Variants in LRRC37A2 observed in about 807,000 individuals in gnomAD.
LRRC37A2 encodes leucine-rich repeat-containing protein 37A2.
Under a neutral mutation model 68.8 loss-of-function variants are expected in LRRC37A2, and 9 were observed. That is an observed-to-expected ratio of 0.13 (90% CI 0.08 to 0.23). The LOEUF (loss-of-function observed/expected upper bound fraction) is 0.23. LRRC37A2 is among the 10% of genes least tolerant of loss of function. LRRC37A2 has a pLI of 1.00. For synonymous variants in LRRC37A2, 63 were observed against 367.6 expected, an observed-to-expected ratio of 0.17 and a Z score of 9.48; for missense variants, 168 against 950.4, an observed-to-expected ratio of 0.18 and a Z score of 10.82.
the LRRC37A2 span, among the ~76,000 whole-genome samples, chr17:47,009,851 T>C: frequency 1.3e-5 from 2 of 152,238 alleles, no homozygotes; most frequent in East Asian, 3.9e-4. Flanking sequence ...GAGGGAAGAG[T>C]GGGCCAGCAG....
At chr17:46,978,541 C>A in the LRRC37A2 span, 1 of 1,422,402 alleles carries the variant, frequency 7.0e-7, no homozygotes, top group Non-Finnish European at 9.3e-7. Context: ...AGGCACGTAG[C>A]TGCCCGCCCG....
chr17:46,833,045 G>C, the LRRC37A2 span: 1 of 324,738 alleles, frequency 3.1e-6, no homozygotes, highest in Non-Finnish European at 6.0e-6. Flanking sequence ...TCCCTGCAGC[G>C]CAGTGACTGC....
chr17:46,796,776 C>T, the LRRC37A2 span, among the ~76,000 whole-genome samples: 1 of 152,198 alleles, frequency 6.6e-6, no homozygotes, highest in East Asian at 1.9e-4. Flanking sequence ...AGAGGGGGCT[C>T]AGCTGGATGG....
chr17:47,019,145 T>C, the LRRC37A2 span: 1 of 1,305,748 alleles, frequency 7.7e-7, no homozygotes, highest in Non-Finnish European at 1.1e-6. Flanking sequence ...CAGACCAGGT[T>C]CAGACTCAGC....
At chr17:46,978,530 C>T in the LRRC37A2 span, 1 of 1,351,192 alleles carries the variant, frequency 7.4e-7, no homozygotes, top group East Asian at 2.8e-5. Flanking sequence ...CCGGGCGCCC[C>T]AGGCACGTAG....
chr17:46,960,253 C>T, the LRRC37A2 span, among the ~76,000 whole-genome samples: 1 of 152,146 alleles, frequency 6.6e-6, no homozygotes, highest in African/African-American at 2.4e-5. Flanking sequence ...AAAAGATGCT[C>T]AACATCATCA....
At chr17:46,767,113 C>A in the LRRC37A2 span, among the ~76,000 whole-genome samples, 1 of 152,094 alleles carries the variant, frequency 6.6e-6, no homozygotes, top group Non-Finnish European at 1.5e-5. Flanking sequence ...AGCCTTAAAA[C>A]CTTCCACCCC....
the LRRC37A2 span, among the ~76,000 whole-genome samples, chr17:46,854,178 C>G: frequency 6.6e-6 from 1 of 152,186 alleles, no homozygotes; most frequent in Non-Finnish European, 1.5e-5. Context: ...AGGGAACAGA[C>G]AGGATTCAGC....
At chr17:46,740,641 T>G in the LRRC37A2 span, among the ~76,000 whole-genome samples, 2 of 151,980 alleles carry the variant, frequency 1.3e-5, no homozygotes, top group East Asian at 1.9e-4. Context: ...TATGGCATGG[T>G]CAGTACAACT....
At chr17:46,728,783 AAAC>A in the LRRC37A2 span, 1 of 1,150,870 alleles carries the variant, frequency 8.7e-7, no homozygotes, top group Middle Eastern at 2.0e-4. Context: ...CAAAAAAAAA[AAAC>A]AAAAACTGAA....
chr17:46,764,941 G>A, the LRRC37A2 span, among the ~76,000 whole-genome samples: 6 of 152,242 alleles, frequency 3.9e-5, no homozygotes, highest in African/African-American at 1.2e-4. Flanking sequence ...AACGGTGCCT[G>A]GCCGAGGGCC....
the LRRC37A2 span, among the ~76,000 whole-genome samples, chr17:46,478,596 C>G: frequency 9.1e-6 from 1 of 109,892 alleles, no homozygotes; most frequent in Non-Finnish European, 2.1e-5. Context: ...ATGCTAGACC[C>G]TGTGCTAGGA....
At chr17:46,966,837 A>G in the LRRC37A2 span, 1 of 422,080 alleles carries the variant, frequency 2.4e-6, no homozygotes. Context: ...AGTGCTTCAC[A>G]CCATTCCTGG....
the LRRC37A2 span, among the ~76,000 whole-genome samples, chr17:46,981,812 C>A: frequency 1.3e-5 from 2 of 152,164 alleles, no homozygotes; most frequent in South Asian, 4.1e-4. Context: ...CTCAAGTGAT[C>A]CCCTTACCTC....
the LRRC37A2 span, chr17:46,942,002 T>A: frequency 5.2e-6 from 5 of 968,140 alleles, no homozygotes; most frequent in African/African-American, 8.8e-5. Context: ...CAAAATAAAT[T>A]CTTACTGTTT....
At chr17:47,017,073 G>C in the LRRC37A2 span, 1 of 1,421,894 alleles carries the variant, frequency 7.0e-7, no homozygotes, top group African/African-American at 1.5e-5. Flanking sequence ...TGCTTGGGCG[G>C]GATTGTGACA....
At chr17:46,880,543 A>G in the LRRC37A2 span, among the ~76,000 whole-genome samples, 41 of 152,178 alleles carry the variant, frequency 2.7e-4, no homozygotes, top group Non-Finnish European at 5.3e-4. Flanking sequence ...CCAATAAATG[A>G]CATGCCAGTT....
At chr17:46,794,574 C>T in the LRRC37A2 span, among the ~76,000 whole-genome samples, 2 of 152,194 alleles carry the variant, frequency 1.3e-5, no homozygotes, top group African/African-American at 2.4e-5. Flanking sequence ...ACTGTACCAC[C>T]GTGGAGAGGA....
the LRRC37A2 span, chr17:46,931,303 G>A: frequency 3.3e-5 from 25 of 748,210 alleles, no homozygotes; most frequent in Non-Finnish European, 4.9e-5. Flanking sequence ...GAAAACCAAC[G>A]TACATGTTGA....
Sources: gnomAD v4.1 joint callset for allele counts (sites outside exome capture counted in the v4.1 genomes callset) on GRCh38, gnomAD v4.1.1 for gene constraint, MANE v1.5 for transcripts, NCBI Gene and HGNC (gene_info 2026-07-23, HGNC 2026-07-21) for gene names.